Variants in EIF4A2 observed in about 807,000 individuals in gnomAD.
EIF4A2 encodes eukaryotic translation initiation factor 4A2.
EIF4A2 carries 9 observed loss-of-function variants against 50.6 expected under a neutral mutation model. The ratio of observed to expected loss-of-function variants is 0.18; its 90% CI spans 0.11 to 0.31. The LOEUF (loss-of-function observed/expected upper bound fraction) is 0.31. Among genes scored for constraint, EIF4A2 ranks in the 10% least tolerant of loss-of-function variants. The pLI, the probability that EIF4A2 is intolerant of heterozygous loss-of-function variation, is 1.00. For synonymous variants in EIF4A2, 215 were observed against 164.4 expected (o/e 1.31, Z -2.35); for missense variants, 182 against 501.8 (o/e 0.36, Z 6.09).
chr3:186,789,859 G>GA lies in EIF4A2; in HGVS notation c.*592dup, dbSNP rs1322362801. 1 of 748,212 alleles carries GA rather than the reference G, an allele frequency of 1.3e-6. No individual in the cohort carries two copies. Among genetic ancestry groups the GA allele is most frequent in the South Asian group, 1.8e-5 (1 of 55,686 alleles). 46.3% of individuals were successfully genotyped at this position (748,212 alleles called of 1,614,324 possible). A position where few individuals can be genotyped will look rare whatever the true frequency, so the allele number is the denominator to read the frequency against. ...ATTGCCATATTGCACATGTCTTAAT[G>GA]AAGTTTGAATGTTAAATAAATTGTA... On this transcript the variant is annotated 3_prime_UTR_variant, in exon 11 of 11. Transcript: ENST00000323963.
chr3:186,789,512 T>G lies in EIF4A2; in HGVS notation c.*243T>G. ...ATAAAAGATGGGGTCTGTAAAATCTTTCTTTCTTAGAAATTTATTTCCTAG... is the reference window on the plus strand; with the variant it reads ...ATAAAAGATGGGGTCTGTAAAATCTGTCTTTCTTAGAAATTTATTTCCTAG... On this transcript the variant is annotated 3_prime_UTR_variant, in exon 11 of 11. Coordinates refer to ENST00000323963, the MANE Select transcript of EIF4A2 (RefSeq NM_001967.4). 7.4e-6 allele frequency: 3 copies of G among 406,604 alleles called. No homozygotes were observed. The highest frequency in any genetic ancestry group is 6.5e-4 in the Middle Eastern group (1 of 1,530). 25.2% of individuals were successfully genotyped at this position (406,604 alleles called of 1,614,324 possible). A position where few individuals can be genotyped will look rare whatever the true frequency, so the allele number is the denominator to read the frequency against.
At position 186,787,966 on chromosome 3, in the gene EIF4A2, A is replaced by G. The variant is rs114157043; in HGVS notation, c.1079+84A>G. 2.0e-3 allele frequency: 2,774 copies of G among 1,400,226 alleles called. 4 individuals are homozygous for G. Among genetic ancestry groups the G allele is most frequent in the Admixed American group, 3.6e-3 (192 of 53,388 alleles). The allele number at this position is 1,400,226 out of a possible 1,614,324, so 86.7% of individuals were successfully genotyped here. On this transcript the variant is annotated intron_variant, in intron 10 of 10. Transcript: ENST00000323963. ...TTGTATGAAAGGTAACATCAAATCA[A>G]GGAATAGATTCAGTAAAGTCAGTAG...
Position 186,786,287 on chromosome 3 carries a change from C to T in EIF4A2, c.627+14C>T, listed in dbSNP as rs1721697009. On this transcript the variant is annotated intron_variant, in intron 6 of 10. Transcript: ENST00000323963. ...ACAAGTATTCAGGTAAGCATTACTT[C>T]ACCCCCCTCTTAAAGGTAGAGATGG... 2 of 1,604,592 alleles carry T rather than the reference C, an allele frequency of 1.2e-6. No homozygotes were observed. The highest frequency in any genetic ancestry group is 1.3e-5 in the African/African-American group (1 of 74,748).
chr3:186,786,038 C>T lies in EIF4A2; in HGVS notation c.504C>T (p.Asn168=), dbSNP rs775798354. The change falls in exon 5 of 11, where the codon AAC becomes AAT. Residue 168 remains asparagine (N), a synonymous_variant. Coordinates refer to ENST00000323963, the MANE Select transcript of EIF4A2 (RefSeq NM_001967.4). ...CCGGGAGAGTGTTTGATATGTTAAA[C>T]AGAAGATACCTTTGTAAGTATTGTC... ...GTPGRVFDML[N]RRYLSPKWIK... 7 of 1,603,138 alleles carry T rather than the reference C, an allele frequency of 4.4e-6. No individual in the cohort carries two copies. Among genetic ancestry groups the T allele is most frequent in the African/African-American group, 1.3e-5 (1 of 74,760 alleles).
chr3:186,784,384 T>C, intron 1 of EIF4A2, 48 bp from the exon 2 acceptor site: 1 of 1,613,890 alleles, frequency 6.2e-7, no homozygotes, highest in Non-Finnish European at 8.5e-7. Context: ...TAAGGTGCAG[T>C]TGAGGTGGCC....
At chr3:186,787,378 C>T (rs758035906) in intron 8 of EIF4A2, 114 bp downstream of exon 8, 9 of 1,608,170 alleles carry the variant, frequency 5.6e-6, no homozygotes, top group South Asian at 1.1e-5. Context: ...TGTTTCTTAA[C>T]TATACCTGTC....
intron 8 of EIF4A2, 108 bp downstream of exon 8, chr3:186,787,372 T>G (rs777134828): frequency 6.8e-6 from 11 of 1,610,218 alleles, no homozygotes; most frequent in Admixed American, 6.7e-5. Context: ...TAAAGTTGTT[T>G]CTTAACTATA....
At chr3:186,784,328 C>T in intron 1 of EIF4A2, 104 bp from the exon 2 acceptor site, 3 of 1,530,252 alleles carry the variant, frequency 2.0e-6, no homozygotes, top group South Asian at 1.1e-5. Flanking sequence ...TTAGCTTGTG[C>T]AGGGGAGGCT....
At position 186,787,933 on chromosome 3, in the gene EIF4A2, A is replaced by C. The variant is rs189908673; in HGVS notation, c.1079+51A>C. 3 of 1,578,962 alleles carry C rather than the reference A, an allele frequency of 1.9e-6. No individual in the cohort carries two copies. In the South Asian group the frequency reaches 3.3e-5, roughly 18 times the overall value. On this transcript the variant is annotated intron_variant, in intron 10 of 10. Transcript: ENST00000323963. ...TTGAAAAAAATTCATACGTTTTTCT[A>C]CTGTGATTTGTATGAAAGGTAACAT...
chr3:186,784,200 C>G (rs561133095), intron 1 of EIF4A2: 125 of 598,038 alleles, frequency 2.1e-4, no homozygotes, highest in Non-Finnish European at 2.6e-4. Context: ...CGAGACGCTC[C>G]GCAGTTGAAA....
At chr3:186,784,939 A>G in intron 3 of EIF4A2, 23 bp from the exon 4 acceptor site, 2 of 1,614,138 alleles carry the variant, frequency 1.2e-6, no homozygotes, top group Non-Finnish European at 1.7e-6. Context: ...GGGATCGGTA[A>G]ATGTGTATCC....
At chr3:186,787,087 A>G (rs755521285) in intron 7 of EIF4A2, 40 bp from the exon 8 acceptor site, 1 of 1,610,032 alleles carries the variant, frequency 6.2e-7, no homozygotes, top group South Asian at 1.1e-5. Context: ...AGAGTTGGAA[A>G]AACTAAATGA....
intron 1 of EIF4A2, chr3:186,784,149 T>C (rs1721546494): frequency 3.8e-6 from 2 of 532,648 alleles, no homozygotes; most frequent in South Asian, 4.4e-5. Flanking sequence ...TCACCCGGCT[T>C]GCGCATTGTT....
chr3:186,783,791 G>C, intron 1 of EIF4A2, 152 bp downstream of exon 1: 5 of 1,245,314 alleles, frequency 4.0e-6, no homozygotes, highest in Non-Finnish European at 5.8e-6. Flanking sequence ...TTCCATGATG[G>C]GTAGGGCCCG....
intron 7 of EIF4A2, chr3:186,786,917 C>T: frequency 1.2e-6 from 1 of 861,808 alleles, no homozygotes; most frequent in Non-Finnish European, 1.9e-6. Context: ...GGTTATGAGA[C>T]TGGCTAAGAC....
intron 9 of EIF4A2, 62 bp downstream of exon 9, chr3:186,787,646 T>C (rs1482686135): frequency 6.2e-7 from 1 of 1,607,478 alleles, no homozygotes; most frequent in Non-Finnish European, 8.5e-7. Context: ...GGCAGGTTTT[T>C]AAGTAACCTT....
chr3:186,786,903 A>G (rs1401006634), intron 7 of EIF4A2: 3 of 881,970 alleles, frequency 3.4e-6, no homozygotes, highest in African/African-American at 1.7e-5. Flanking sequence ...ACGTTTTGAG[A>G]CTGGGTTATG....
rs1323657289 is a variant in EIF4A2 at position 186,789,597 on chromosome 3, A to C, written c.*328A>C. ...CATTTAATAATATACTTGTGGACTA[A>C]AAGATATAAGTGCTGTATAAAATCA... On this transcript the variant is annotated 3_prime_UTR_variant, in exon 11 of 11. Coordinates refer to ENST00000323963, the MANE Select transcript of EIF4A2 (RefSeq NM_001967.4). 1 of 329,728 alleles carries C rather than the reference A, an allele frequency of 3.0e-6. No homozygotes were observed. 20.4% of individuals were successfully genotyped at this position (329,728 alleles called of 1,614,324 possible). A position where few individuals can be genotyped will look rare whatever the true frequency, so the allele number is the denominator to read the frequency against.
Position 186,783,649 on chromosome 3 carries a change from C to A in EIF4A2, c.29+10C>A. On this transcript the variant is annotated intron_variant, in intron 1 of 10. Transcript: ENST00000323963. ...CCGCGGATTATAACAGGTATGCAGT[C>A]TGTTGGCGGTCGCGGTCTGTAGTGA... 1 of 1,614,084 alleles carries A rather than the reference C, an allele frequency of 6.2e-7. No individual in the cohort carries two copies. The highest frequency in any genetic ancestry group is 1.3e-5 in the African/African-American group (1 of 75,020).
Sources: gnomAD v4.1 joint callset for allele counts on GRCh38, gnomAD v4.1.1 for gene constraint, MANE v1.5 for transcripts, NCBI Gene and HGNC (gene_info 2026-07-23, HGNC 2026-07-21) for gene names.